The following RMST variants were observed in gnomAD, a reference collection of about 807,000 sequenced individuals.
RMST encodes rhabdomyosarcoma 2 associated transcript, also known as long intergenic non-protein coding RNA 54.
intron 10 of RMST, among the ~76,000 whole-genome samples, chr12:97,524,289 T>C (rs1337544532): frequency 6.6e-6 from 1 of 151,932 alleles, no homozygotes; most frequent in Non-Finnish European, 1.5e-5. Context: ...AAAATCTGCA[T>C]TTTAGCAAGA....
intron 5 of RMST, among the ~76,000 whole-genome samples, chr12:97,485,396 A>G (rs1875968650): frequency 6.6e-6 from 1 of 152,228 alleles, no homozygotes; most frequent in Non-Finnish European, 1.5e-5. Flanking sequence ...ACCTGTACAT[A>G]TGATAGATAC....
rs1009304989 is a variant in RMST at position 97,564,185 on chromosome 12, T to G, written n.1994T>G. 4.4e-5 allele frequency: 10 copies of G among 227,750 alleles called. No individual in the cohort carries two copies. The South Asian group carries it at 6.0e-4, about 14-fold the overall frequency. The allele number at this position is 227,750 out of a possible 1,614,324, so 14.1% of individuals were successfully genotyped here. A position where few individuals can be genotyped will look rare whatever the true frequency, so the allele number is the denominator to read the frequency against. Reference sequence around the variant, plus strand: ...AGGGGAACTATTAATAGCCCACCAGTCGGGTAGGCAGCATTCAATCCTTCT... The same window carrying G: ...AGGGGAACTATTAATAGCCCACCAGGCGGGTAGGCAGCATTCAATCCTTCT... On this transcript the variant is annotated non_coding_transcript_exon_variant, in exon 14 of 14. Coordinates refer to ENST00000640149, the Ensembl canonical transcript of RMST.
At chr12:97,547,415 G>A (rs1279271283) in intron 11 of RMST, among the ~76,000 whole-genome samples, 1 of 151,824 alleles carries the variant, frequency 6.6e-6, no homozygotes, top group African/African-American at 2.4e-5. Flanking sequence ...ACCCAGTAGT[G>A]GGATTGCTGG....
At chr12:97,536,270 A>G (rs1378499699) in intron 11 of RMST, among the ~76,000 whole-genome samples, 1 of 151,446 alleles carries the variant, frequency 6.6e-6, no homozygotes, top group Non-Finnish European at 1.5e-5. Context: ...GAAGTACAGT[A>G]TTGCTGCAAT....
At chr12:97,537,432 A>G (rs945754746) in intron 11 of RMST, among the ~76,000 whole-genome samples, 1 of 151,472 alleles carries the variant, frequency 6.6e-6, no homozygotes, top group Non-Finnish European at 1.5e-5. Context: ...TGATGTATAT[A>G]TTAATGATGA....
chr12:97,545,294 A>G (rs1475101508), intron 11 of RMST, among the ~76,000 whole-genome samples: 1 of 152,040 alleles, frequency 6.6e-6, no homozygotes, highest in Admixed American at 6.6e-5. Context: ...GCACCTTTAC[A>G]TATGTTTTCT....
At chr12:97,504,908 C>G (rs1878500938) in intron 10 of RMST, among the ~76,000 whole-genome samples, 1 of 149,436 alleles carries the variant, frequency 6.7e-6, no homozygotes, top group South Asian at 2.1e-4. Flanking sequence ...GACTTTCTCT[C>G]TCTGATGAGA....
At chr12:97,495,805 C>T (rs1045095469) in intron 9 of RMST, 1 of 152,068 alleles carries the variant, frequency 6.6e-6, no homozygotes, top group Non-Finnish European at 1.5e-5. Context: ...TCTGGGATGA[C>T]AACTTTGGGG....
intron 5 of RMST, among the ~76,000 whole-genome samples, chr12:97,487,952 A>G (rs1876300327): frequency 6.6e-6 from 1 of 152,136 alleles, no homozygotes; most frequent in African/African-American, 2.4e-5. Flanking sequence ...TAACACTTCA[A>G]CCGTCTCCTT....
intron 5 of RMST, among the ~76,000 whole-genome samples, chr12:97,466,008 A>C (rs952016157): frequency 6.6e-6 from 1 of 152,136 alleles, no homozygotes; most frequent in Non-Finnish European, 1.5e-5. Flanking sequence ...CATTTTGGAG[A>C]TCAATAAAAG....
At chr12:97,490,601 T>G (rs1458627118) in intron 5 of RMST, among the ~76,000 whole-genome samples, 2 of 152,160 alleles carry the variant, frequency 1.3e-5, no homozygotes, top group African/African-American at 4.8e-5. Context: ...TCCACCGCCG[T>G]CATCATTATC....
intron 10 of RMST, among the ~76,000 whole-genome samples, chr12:97,517,219 T>C (rs1880026386): frequency 6.6e-6 from 1 of 152,032 alleles, no homozygotes; most frequent in South Asian, 2.1e-4. Context: ...CACTTAATTT[T>C]GAGAATTAAT....
chr12:97,509,679 T>TA (rs1407216055), intron 10 of RMST, among the ~76,000 whole-genome samples: 1 of 152,102 alleles, frequency 6.6e-6, no homozygotes, highest in African/African-American at 2.4e-5. Context: ...CAAATACGAG[T>TA]AAGATCAAAC....
exon 12 of RMST, chr12:97,560,578 C>T (rs1457874095): frequency 6.6e-6 from 1 of 152,188 alleles, no homozygotes; most frequent in African/African-American, 2.4e-5. Context: ...CCAGTGCTAC[C>T]AGGGTTATCT....
At chr12:97,520,249 G>A (rs1880375057) in intron 10 of RMST, among the ~76,000 whole-genome samples, 1 of 152,180 alleles carries the variant, frequency 6.6e-6, no homozygotes, top group Non-Finnish European at 1.5e-5. Context: ...AGGAGCAGGT[G>A]CGAGCTTCCA....
intron 5 of RMST, among the ~76,000 whole-genome samples, chr12:97,466,324 C>T (rs1191126184): frequency 6.6e-6 from 1 of 152,072 alleles, no homozygotes; most frequent in African/African-American, 2.4e-5. Context: ...GCTTTATTAA[C>T]TCTGGGGTTT....
At chr12:97,517,644 A>G (rs1880066675) in intron 10 of RMST, among the ~76,000 whole-genome samples, 1 of 152,036 alleles carries the variant, frequency 6.6e-6, no homozygotes, top group African/African-American at 2.4e-5. Context: ...TGAGATCATA[A>G]CTGCATAGTT....
At chr12:97,505,943 A>G (rs959002895) in intron 10 of RMST, among the ~76,000 whole-genome samples, 2 of 152,356 alleles carry the variant, frequency 1.3e-5, no homozygotes, top group Non-Finnish European at 1.5e-5. Flanking sequence ...GGATGAATAT[A>G]CAATAAATGT....
chr12:97,480,738 T>A (rs1000947233), intron 5 of RMST, among the ~76,000 whole-genome samples: 1 of 152,192 alleles, frequency 6.6e-6, no homozygotes, highest in Non-Finnish European at 1.5e-5. Context: ...CAGCTTGGAA[T>A]TCTACACATG....
Sources: gnomAD v4.1 joint callset for allele counts (sites outside exome capture counted in the v4.1 genomes callset) on GRCh38, gnomAD v4.1.1 for gene constraint, MANE v1.5 for transcripts, NCBI Gene and HGNC (gene_info 2026-07-23, HGNC 2026-07-21) for gene names.